TLK1: variants seen among roughly 807,000 people sequenced by gnomAD.
TLK1 encodes the protein tousled like kinase 1.
TLK1 carries 24 observed loss-of-function variants against 105.3 expected under a neutral mutation model. The observed-to-expected ratio is 0.23, with a 90% CI of 0.17 to 0.32. The LOEUF (loss-of-function observed/expected upper bound fraction) is 0.32. Among genes scored for constraint, TLK1 ranks in the 10% least tolerant of loss-of-function variants. The pLI is 1.00. For synonymous variants in TLK1, 321 were observed against 310.4 expected (o/e 1.03, Z -0.36); for missense variants, 558 against 910.5 (o/e 0.61, Z 4.98).
chr2:171,003,490 G>A (rs1684497226), intron 18 of TLK1, among the ~76,000 whole-genome samples: 1 of 152,014 alleles, frequency 6.6e-6, no homozygotes, highest in South Asian at 2.1e-4. Context: ...ATTTTTCTCT[G>A]CTCCTTGAGA....
At chr2:171,046,150 G>C in intron 11 of TLK1, 24 bp downstream of exon 11, 1 of 1,493,864 alleles carries the variant, frequency 6.7e-7, no homozygotes. Flanking sequence ...TTTTAAAAAA[G>C]AAAAATTTTA....
intron 1 of TLK1, among the ~76,000 whole-genome samples, chr2:171,118,843 T>C (rs1195559636): frequency 2.0e-5 from 3 of 152,164 alleles, no homozygotes; most frequent in Non-Finnish European, 2.9e-5. Context: ...ACTACTCCTA[T>C]AGATCTTATC....
Position 170,993,530 on chromosome 2 carries a change from T to C in TLK1, c.*250A>G, listed in dbSNP as rs532741148. ...TTAACATGGTATTCCTGTTTCTGTG[T>C]AACAGGCAGTCATCCTTCCTTCACT... On this transcript the variant is annotated 3_prime_UTR_variant, in exon 21 of 21. Transcript: ENST00000431350. 21 of 347,358 alleles carry C rather than the reference T, an allele frequency of 6.0e-5. No individual in the cohort carries two copies. The highest frequency in any genetic ancestry group is 9.1e-5 in the Non-Finnish European group (18 of 197,050). The allele number at this position is 347,358 out of a possible 1,614,324, so 21.5% of individuals were successfully genotyped here.
At chr2:170,994,340 A>AT (rs1374107140) in intron 20 of TLK1, among the ~76,000 whole-genome samples, 2 of 151,250 alleles carry the variant, frequency 1.3e-5, no homozygotes, top group East Asian at 1.9e-4. Flanking sequence ...TTCAACCATT[A>AT]TTTTTTTTTC....
At chr2:171,038,098 T>TA (rs1292932057) in intron 11 of TLK1, among the ~76,000 whole-genome samples, 1 of 152,222 alleles carries the variant, frequency 6.6e-6, no homozygotes, top group African/African-American at 2.4e-5. Flanking sequence ...TATTTTTCTT[T>TA]AAATTTGTCA....
chr2:171,036,718 C>T (rs1226352856), intron 11 of TLK1, among the ~76,000 whole-genome samples: 1 of 152,160 alleles, frequency 6.6e-6, no homozygotes, highest in African/African-American at 2.4e-5. Flanking sequence ...AAAACTGTGT[C>T]TCAGGGTGGA....
At chr2:171,178,026 G>A (rs988998324) in intron 1 of TLK1, among the ~76,000 whole-genome samples, 3 of 151,888 alleles carry the variant, frequency 2.0e-5, no homozygotes, top group African/African-American at 4.8e-5. Flanking sequence ...GAGATCTCCC[G>A]ACCTCAGGTG....
chr2:171,198,790 G>A (rs940466420), intron 1 of TLK1, among the ~76,000 whole-genome samples: 3 of 152,168 alleles, frequency 2.0e-5, no homozygotes, highest in Admixed American at 1.3e-4. Flanking sequence ...AAAAGCAAAT[G>A]TTTGCTTGTT....
rs977501854 is a variant in TLK1, at chr2:171,011,427, T to C, written c.1362A>G (p.Glu454=). Residue 454 remains glutamate (E), a synonymous_variant, in exon 14 of 21, where the codon GAA becomes GAG. Transcript: ENST00000431350. ...SQFKDHPTLN[E]RYLLLHLLGR... is the part of the protein sequence containing the mutation. ...CAAGCAGATGAAGTAATAAATATCT[T>C]TCATTTAATGTTGGGTGATCTTTGA... 4.3e-6 allele frequency: 7 copies of C among 1,613,342 alleles called. No homozygotes were observed. The African/African-American group carries it at 6.7e-5, about 15-fold the overall frequency.
At chr2:171,139,012 G>A (rs888222915) in intron 1 of TLK1, among the ~76,000 whole-genome samples, 8 of 152,176 alleles carry the variant, frequency 5.3e-5, no homozygotes, top group Admixed American at 2.0e-4. Context: ...AGTCTGTTTC[G>A]AAAGCTAAAA....
At chr2:171,142,514 C>A (rs570872845) in intron 1 of TLK1, among the ~76,000 whole-genome samples, 1 of 151,900 alleles carries the variant, frequency 6.6e-6, no homozygotes, top group Non-Finnish European at 1.5e-5. Context: ...AGGTAAAATG[C>A]AATACTGAGA....
intron 1 of TLK1, among the ~76,000 whole-genome samples, chr2:171,153,012 T>C (rs986573341): frequency 5.3e-5 from 8 of 151,442 alleles, no homozygotes; most frequent in African/African-American, 2.0e-4. Flanking sequence ...TCTTCACACG[T>C]GTATAAAAAC....
At chr2:171,208,786 A>G (rs1693555720) in intron 1 of TLK1, among the ~76,000 whole-genome samples, 2 of 152,236 alleles carry the variant, frequency 1.3e-5, no homozygotes, top group African/African-American at 4.8e-5. Context: ...TGTTCCCTGC[A>G]GGTGGGACTG....
intron 8 of TLK1, among the ~76,000 whole-genome samples, chr2:171,051,537 G>A (rs1471988139): frequency 6.6e-6 from 1 of 152,112 alleles, no homozygotes; most frequent in African/African-American, 2.4e-5. Context: ...ATTGAACCTT[G>A]ATGTGACCTT....
At chr2:171,072,026 T>C (rs1326588616) in intron 3 of TLK1, among the ~76,000 whole-genome samples, 1 of 152,226 alleles carries the variant, frequency 6.6e-6, no homozygotes, top group Non-Finnish European at 1.5e-5. Context: ...TGAAGTCAGG[T>C]AATGTGATTC....
chr2:171,090,136 T>C (rs748289264), intron 2 of TLK1, among the ~76,000 whole-genome samples: 5 of 152,124 alleles, frequency 3.3e-5, no homozygotes, highest in Non-Finnish European at 7.3e-5. Flanking sequence ...TGTTTTACAG[T>C]TTTCAGTGAA....
At chr2:171,201,411 T>C (rs1454497201) in intron 1 of TLK1, among the ~76,000 whole-genome samples, 1 of 152,198 alleles carries the variant, frequency 6.6e-6, no homozygotes, top group Non-Finnish European at 1.5e-5. Context: ...TTAAGAGCCA[T>C]ACTATCAACA....
intron 12 of TLK1, 81 bp from the exon 13 acceptor site, chr2:171,015,029 T>A: frequency 2.0e-6 from 2 of 1,023,360 alleles, no homozygotes; most frequent in Non-Finnish European, 3.1e-6. Context: ...GCATCAATGT[T>A]TTACAGTGAT....
chr2:171,032,124 G>A (rs1686075889), intron 11 of TLK1, among the ~76,000 whole-genome samples: 1 of 151,924 alleles, frequency 6.6e-6, no homozygotes, highest in Non-Finnish European at 1.5e-5. Flanking sequence ...AACAACCCAG[G>A]CAAACTAACA....
Sources: gnomAD v4.1 joint callset for allele counts (sites outside exome capture counted in the v4.1 genomes callset) on GRCh38, gnomAD v4.1.1 for gene constraint, MANE v1.5 for transcripts, NCBI Gene and HGNC (gene_info 2026-07-23, HGNC 2026-07-21) for gene names.